The following MAML3 variants were observed in gnomAD, a reference collection of about 807,000 sequenced individuals.
MAML3 encodes the protein mastermind-like protein 3.
MAML3 carries 27 observed loss-of-function variants against 101.9 expected under a neutral mutation model. That is an observed-to-expected ratio of 0.27 (90% CI 0.20 to 0.37). The LOEUF is 0.37. Among genes scored for constraint, MAML3 ranks in the 10% least tolerant of loss-of-function variants. The pLI, the probability that MAML3 is intolerant of heterozygous loss-of-function variation, is 1.00. For synonymous variants in MAML3, 501 were observed against 555.9 expected (o/e 0.90, Z 1.39); for missense variants, 1,316 against 1,444.9 (o/e 0.91, Z 1.45).
chr4:139,949,361 C>T (rs9997448), intron 1 of MAML3, among the ~76,000 whole-genome samples: 43,192 of 151,980 alleles, frequency 0.28, 6,826 homozygotes, highest in Non-Finnish European at 0.36. Context: ...AAGATAGAAG[C>T]GGTATCAGGA....
At chr4:140,106,939 C>T (rs1457240257) in intron 1 of MAML3, among the ~76,000 whole-genome samples, 1 of 152,160 alleles carries the variant, frequency 6.6e-6, no homozygotes, top group Non-Finnish European at 1.5e-5. Flanking sequence ...GGCATGATCT[C>T]GGCTCACTGC....
intron 1 of MAML3, among the ~76,000 whole-genome samples, chr4:140,024,273 G>A (rs1158331151): frequency 6.6e-6 from 1 of 151,654 alleles, no homozygotes; most frequent in Non-Finnish European, 1.5e-5. Flanking sequence ...CGTCGCCCAG[G>A]CTGGAGTGCA....
At chr4:140,137,149 C>T (rs79223011) in intron 1 of MAML3, among the ~76,000 whole-genome samples, 161 of 152,170 alleles carry the variant, frequency 1.1e-3, no homozygotes, top group Admixed American at 2.7e-3. Flanking sequence ...CCACCGCGCC[C>T]GGCTAATTTT....
In MAML3 at chr4:139,790,240, T is replaced by TAC. The variant is rs1273167500; in HGVS notation, c.2080-59574_2080-59573insGT. Among the ~76,000 whole-genome samples the TAC allele has an allele frequency of 2.2e-4, 32 of 144,656 alleles. No individual in the cohort carries two copies. In the East Asian group the frequency reaches 6.1e-3, roughly 28 times the overall value. 94.9% of individuals were successfully genotyped at this position (144,656 alleles called of 152,430 possible). A position where few individuals can be genotyped will look rare whatever the true frequency, so the allele number is the denominator to read the frequency against. On this transcript the variant is annotated intron_variant, in intron 2 of 4. Transcript: ENST00000509479. The stretch of plus-strand genomic sequence containing the variant: ...ACATATATATATATATATATATATA[T>TAC]ATAAATAAATATATAAAATAAAATA...
At chr4:139,905,255 G>A (rs1157458317) in intron 1 of MAML3, among the ~76,000 whole-genome samples, 1 of 152,154 alleles carries the variant, frequency 6.6e-6, no homozygotes, top group African/African-American at 2.4e-5. Flanking sequence ...CACTTTGGGA[G>A]GCTGAAGTGG....
chr4:139,787,231 T>C (rs567909996), intron 2 of MAML3, among the ~76,000 whole-genome samples: 3 of 152,330 alleles, frequency 2.0e-5, no homozygotes, highest in Admixed American at 2.0e-4. Flanking sequence ...TAAATGTTAA[T>C]GTAGTTCTGT....
At position 140,003,665 on chromosome 4, in the gene MAML3, A is replaced by T. The variant is rs374529250; in HGVS notation, c.469-112698T>A. Among the ~76,000 whole-genome samples, 10 of 152,314 alleles carry T rather than the reference A, an allele frequency of 6.6e-5. No homozygotes were observed. The South Asian group carries it at 1.0e-3, about 16-fold the overall frequency. On this transcript the variant is annotated intron_variant, in intron 1 of 4. Coordinates refer to ENST00000509479, the MANE Select transcript of MAML3 (RefSeq NM_018717.5). ...GTGAGGATAATAACATTTTGCCAGC[A>T]ACGTCTGTCAAAGGGGACTGAGATA... is the stretch of plus-strand genomic sequence containing the variant.
At chr4:140,049,868 G>T (rs1451642580) in intron 1 of MAML3, among the ~76,000 whole-genome samples, 1 of 144,726 alleles carries the variant, frequency 6.9e-6, no homozygotes, top group South Asian at 2.2e-4. Context: ...AAAGCAATTG[G>T]CTACGTAATC....
At chr4:140,024,266 C>T (rs558319344) in intron 1 of MAML3, among the ~76,000 whole-genome samples, 1 of 150,948 alleles carries the variant, frequency 6.6e-6, no homozygotes, top group South Asian at 2.1e-4. Flanking sequence ...CTTGCTCCGT[C>T]GCCCAGGCTG....
chr4:139,728,130 G>T (rs1728552713), intron 3 of MAML3, among the ~76,000 whole-genome samples: 1 of 152,196 alleles, frequency 6.6e-6, no homozygotes, highest in Admixed American at 6.5e-5. Context: ...TGGGAAGATT[G>T]CTTGAGCTCA....
At chr4:139,927,880 T>C (rs1733297930) in intron 1 of MAML3, among the ~76,000 whole-genome samples, 1 of 152,192 alleles carries the variant, frequency 6.6e-6, no homozygotes, top group African/African-American at 2.4e-5. Flanking sequence ...AATCAACTGC[T>C]TGCTAGGGTG....
At chr4:140,045,050 G>A (rs76341814) in intron 1 of MAML3, among the ~76,000 whole-genome samples, 1,973 of 152,280 alleles carry the variant, frequency 0.013, 31 homozygotes, top group African/African-American at 0.045. Flanking sequence ...GATAAGCCTT[G>A]TTCACATTCA....
chr4:139,979,038 A>G (rs1734398668), intron 1 of MAML3, among the ~76,000 whole-genome samples: 1 of 152,148 alleles, frequency 6.6e-6, no homozygotes, highest in African/African-American at 2.4e-5. Flanking sequence ...TACTAGTAAA[A>G]TCATAATATC....
At chr4:140,147,431 A>T (rs192986462) in intron 1 of MAML3, among the ~76,000 whole-genome samples, 182 of 152,232 alleles carry the variant, frequency 1.2e-3, no homozygotes, top group Non-Finnish European at 1.7e-3. Flanking sequence ...CCAAAATTAA[A>T]TTTTTTCTCT....
chr4:139,837,938 A>AAGAAT (rs1553959644), intron 2 of MAML3, among the ~76,000 whole-genome samples: 367 of 147,636 alleles, frequency 2.5e-3, no homozygotes, highest in African/African-American at 9.2e-3. Flanking sequence ...AAAAGAAAAA[A>AAGAAT]ATATATACAT....
rs540737115 is a variant in MAML3, at chr4:140,040,050, G to A, written c.468+112810C>T. Among the ~76,000 whole-genome samples the A allele has an allele frequency of 2.0e-5, 3 of 152,292 alleles. No homozygotes were observed. The South Asian group carries it at 6.2e-4, about 32-fold the overall frequency. On this transcript the variant is annotated intron_variant, in intron 1 of 4. Coordinates refer to ENST00000509479, the MANE Select transcript of MAML3 (RefSeq NM_018717.5). ...TGAGACCAGAATGCAGTCAACAAGA[G>A]AGGGGTTAGGGTCGAAAAGGCCCAG...
intron 1 of MAML3, among the ~76,000 whole-genome samples, chr4:140,071,034 A>G (rs2110953315): frequency 6.6e-6 from 1 of 152,216 alleles, no homozygotes; most frequent in African/African-American, 2.4e-5. Context: ...GGAAGGCAGC[A>G]TTTTTCTGCC....
chr4:139,756,683 C>T (rs1236217011), intron 2 of MAML3, among the ~76,000 whole-genome samples: 2 of 152,180 alleles, frequency 1.3e-5, no homozygotes, highest in African/African-American at 4.8e-5. Context: ...ACTGCACCTT[C>T]CCCCTACATT....
At chr4:139,936,236 T>C (rs901843884) in intron 1 of MAML3, among the ~76,000 whole-genome samples, 1 of 152,210 alleles carries the variant, frequency 6.6e-6, no homozygotes, top group African/African-American at 2.4e-5. Flanking sequence ...ATTGTTTATA[T>C]GTGTGTATAA....
Sources: gnomAD v4.1 joint callset for allele counts (sites outside exome capture counted in the v4.1 genomes callset) on GRCh38, gnomAD v4.1.1 for gene constraint, MANE v1.5 for transcripts, NCBI Gene and HGNC (gene_info 2026-07-23, HGNC 2026-07-21) for gene names.